Variants in AKAP13 observed in about 807,000 individuals in gnomAD.
AKAP13 encodes A-kinase anchor protein 13.
A neutral mutation model predicts 264.5 loss-of-function variants in AKAP13; 80 were observed. The ratio of observed to expected loss-of-function variants is 0.30; its 90% confidence interval spans 0.25 to 0.36. AKAP13 has a LOEUF of 0.36. Among genes scored for constraint, AKAP13 ranks in the 10% least tolerant of loss-of-function variants. The pLI, the probability that AKAP13 is intolerant of heterozygous loss-of-function variation, is 1.00. For missense variants in AKAP13, 3,712 were observed against 3,435.2 expected, an observed-to-expected ratio of 1.08 and a Z score of -2.01; for synonymous variants, 1,380 against 1,250.2, an observed-to-expected ratio of 1.10 and a Z score of -2.19.
At chr15:85,621,794 A>G (rs779463013) in intron 8 of AKAP13, among the ~76,000 whole-genome samples, 4 of 152,180 alleles carry the variant, frequency 2.6e-5, no homozygotes, top group Non-Finnish European at 4.4e-5. Context: ...CGAGCATGGT[A>G]AGGGGTATGA....
chr15:85,609,229 T>C lies in AKAP13; in HGVS notation c.4161+23406T>C, dbSNP rs189950195. Among the ~76,000 whole-genome samples the C allele has an allele frequency of 6.4e-4, 97 of 152,350 alleles. 1 individual carries two copies. The highest frequency in any genetic ancestry group is 3.9e-4 in the East Asian group (2 of 5,192). On this transcript the variant is annotated intron_variant, in intron 8 of 36. Transcript: ENST00000394518. ...TGGAATACTACATTTGTTCCTCTTA[T>C]GACTCTTTACCCATTGACCAACCTC...
Position 85,684,813 on chromosome 15 carries a change from A to C in AKAP13, c.5229A>C (p.Thr1743=). 1.2e-6 allele frequency: 2 copies of C among 1,614,020 alleles called. No homozygotes were observed. Among genetic ancestry groups the C allele is most frequent in the Non-Finnish European group, 1.7e-6 (2 of 1,180,008 alleles). The change falls in exon 16 of 37, where the codon ACA becomes ACC. Residue 1743 remains threonine (T), a synonymous_variant. Transcript: ENST00000394518. Reference sequence around the variant, plus strand: ...AAGATTCTGAATGGAAGAGTGGAACAAAAGTCAGTCGTACATTCAGCTACA... The same window carrying C: ...AAGATTCTGAATGGAAGAGTGGAACCAAAGTCAGTCGTACATTCAGCTACA... ...SKKDSEWKSG[T]KVSRTFSYIK...
At chr15:85,456,428 T>C (rs1416748867) in intron 1 of AKAP13, among the ~76,000 whole-genome samples, 2 of 152,120 alleles carry the variant, frequency 1.3e-5, no homozygotes, top group Non-Finnish European at 2.9e-5. Context: ...CACCCACTGC[T>C]CTCACTTTTC....
At position 85,436,630 on chromosome 15, in the gene AKAP13, G is replaced by C. The variant is rs1228982465; in HGVS notation, c.-11-49080G>C. 3.9e-4 allele frequency among the ~76,000 whole-genome samples: 56 copies of C among 144,712 alleles called. No individual in the cohort carries two copies. The East Asian group carries it at 0.01, about 26-fold the overall frequency. The allele number at this position is 144,712 out of a possible 152,430, so 94.9% of individuals were successfully genotyped here. The stretch of plus-strand genomic sequence containing the variant: ...ATAACAAACTATCTCTCAGACCACA[G>C]TGCAATCAAACTAGAACTCAGGATT... On this transcript the variant is annotated intron_variant, in intron 1 of 36. Coordinates refer to ENST00000394518, the MANE Select transcript of AKAP13 (RefSeq NM_007200.5).
At chr15:85,630,209 A>ACACACACAC (rs71141412) in intron 8 of AKAP13, among the ~76,000 whole-genome samples, 13 of 30,500 alleles carry the variant, frequency 4.3e-4, no homozygotes, top group Non-Finnish European at 1.3e-4. Flanking sequence ...ACACACACAC[A>ACACACACAC]TCATGAACTA....
intron 5 of AKAP13, among the ~76,000 whole-genome samples, chr15:85,563,826 T>C (rs1379017802): frequency 2.0e-5 from 3 of 152,236 alleles, no homozygotes; most frequent in Non-Finnish European, 4.4e-5. Flanking sequence ...ACAACAACTT[T>C]CTTTGCTTTT....
At chr15:85,695,274 C>T (rs1371615834) in intron 17 of AKAP13, among the ~76,000 whole-genome samples, 3 of 152,104 alleles carry the variant, frequency 2.0e-5, no homozygotes, top group African/African-American at 4.8e-5. Flanking sequence ...CTTTGTGACA[C>T]GTGCCTGTAA....
intron 2 of AKAP13, among the ~76,000 whole-genome samples, chr15:85,498,521 A>G (rs1336850440): frequency 1.3e-5 from 2 of 148,518 alleles, no homozygotes; most frequent in African/African-American, 4.9e-5. Context: ...CAAACTAAAA[A>G]CTTTTGCTCT....
intron 5 of AKAP13, among the ~76,000 whole-genome samples, chr15:85,570,703 A>G (rs1175823989): frequency 1.3e-5 from 2 of 152,138 alleles, no homozygotes; most frequent in Non-Finnish European, 2.9e-5. Context: ...ACAACCAAAG[A>G]TGCCTCCAGT....
At chr15:85,497,882 A>G (rs2075916774) in intron 2 of AKAP13, among the ~76,000 whole-genome samples, 1 of 152,104 alleles carries the variant, frequency 6.6e-6, no homozygotes, top group South Asian at 2.1e-4. Context: ...GTCATACCCA[A>G]AATAAAGAGT....
intron 8 of AKAP13, among the ~76,000 whole-genome samples, chr15:85,614,106 T>G (rs1259384692): frequency 1.3e-5 from 2 of 152,160 alleles, no homozygotes; most frequent in Non-Finnish European, 2.9e-5. Flanking sequence ...TGATCTTAGT[T>G]ATCCCAGTGT....
chr15:85,585,019 C>A (rs1169389204), intron 7 of AKAP13, among the ~76,000 whole-genome samples: 1 of 152,164 alleles, frequency 6.6e-6, no homozygotes, highest in Non-Finnish European at 1.5e-5. Flanking sequence ...CAAAAACCAC[C>A]ACTGTTTTTG....
chr15:85,737,058 A>G (rs891883046), intron 33 of AKAP13, among the ~76,000 whole-genome samples: 2 of 151,698 alleles, frequency 1.3e-5, no homozygotes, highest in African/African-American at 4.8e-5. Context: ...AGCTGGAATT[A>G]TAGGCATACG....
intron 2 of AKAP13, among the ~76,000 whole-genome samples, chr15:85,506,246 T>A (rs1056119339): frequency 6.6e-6 from 1 of 152,160 alleles, no homozygotes; most frequent in African/African-American, 2.4e-5. Flanking sequence ...ATTGTGCCAC[T>A]GCACTCCAGC....
At chr15:85,731,050 G>A (rs959197290) in intron 30 of AKAP13, among the ~76,000 whole-genome samples, 5 of 134,902 alleles carry the variant, frequency 3.7e-5, no homozygotes, top group Non-Finnish European at 7.6e-5. Context: ...TGTTTCCCAG[G>A]CTGGAGTGCA....
intron 8 of AKAP13, among the ~76,000 whole-genome samples, chr15:85,607,042 G>T (rs74025632): frequency 0.017 from 2,569 of 151,824 alleles, 77 homozygotes; most frequent in African/African-American, 0.059. Context: ...CTTTGCCTCA[G>T]ATGAAGAGGC....
intron 1 of AKAP13, among the ~76,000 whole-genome samples, chr15:85,462,790 C>T (rs377627166): frequency 2.3e-4 from 35 of 151,520 alleles, no homozygotes; most frequent in East Asian, 3.9e-4. Flanking sequence ...TTTGGGAGGC[C>T]GAGGCGGGCG....
chr15:85,430,442 A>C (rs1332782678), intron 1 of AKAP13, among the ~76,000 whole-genome samples: 1 of 152,192 alleles, frequency 6.6e-6, no homozygotes, highest in Non-Finnish European at 1.5e-5. Context: ...CTTTCTCTTC[A>C]ATTGTAGAGA....
chr15:85,630,480 T>G (rs1167502211), intron 8 of AKAP13, among the ~76,000 whole-genome samples: 1 of 152,214 alleles, frequency 6.6e-6, no homozygotes, highest in Non-Finnish European at 1.5e-5. Context: ...TATGGTAGGC[T>G]TATTGACCGA....
Sources: gnomAD v4.1 joint callset for allele counts (sites outside exome capture counted in the v4.1 genomes callset) on GRCh38, gnomAD v4.1.1 for gene constraint, MANE v1.5 for transcripts, NCBI Gene and HGNC (gene_info 2026-07-23, HGNC 2026-07-21) for gene names.